LEF1: variants seen among roughly 807,000 people sequenced by gnomAD.
LEF1 encodes lymphoid enhancer-binding factor 1.
Under a neutral mutation model 51.2 loss-of-function variants are expected in LEF1, and 14 were observed. That is an observed-to-expected ratio of 0.27 (90% CI 0.18 to 0.43). The LOEUF is 0.43. LEF1 is among the 20% of genes least tolerant of loss of function. LEF1 has a pLI of 1.00. For synonymous variants in LEF1, 185 were observed against 183.2 expected (o/e 1.01, Z -0.08); for missense variants, 386 against 512.0 (o/e 0.75, Z 2.37).
intron 9 of LEF1, among the ~76,000 whole-genome samples, chr4:108,069,229 T>A (rs544825320): frequency 6.6e-6 from 1 of 152,340 alleles, no homozygotes; most frequent in Non-Finnish European, 1.5e-5. Flanking sequence ...GCTCCAGAAG[T>A]GTGAGAAATA....
At chr4:108,140,138 G>A (rs758936487) in intron 3 of LEF1, among the ~76,000 whole-genome samples, 7 of 151,976 alleles carry the variant, frequency 4.6e-5, no homozygotes, top group African/African-American at 7.3e-5. Context: ...ATTTGCCGTC[G>A]AAGTCTGTGG....
chr4:108,166,887 C>T (rs1242441878), intron 1 of LEF1: 2 of 880,052 alleles, frequency 2.3e-6, no homozygotes, highest in Non-Finnish European at 2.7e-6. Context: ...TGGGTCGGCT[C>T]GGCGCACCCA....
At chr4:108,098,574 T>G (rs1740541605) in intron 3 of LEF1, among the ~76,000 whole-genome samples, 1 of 152,184 alleles carries the variant, frequency 6.6e-6, no homozygotes, top group African/African-American at 2.4e-5. Flanking sequence ...AACTGATTCT[T>G]TAAGATCAGG....
Position 108,064,337 on chromosome 4 carries a change from T to C in LEF1, c.1164A>G (p.Ser388=), listed in dbSNP as rs769623359. Residue 388 remains serine (S), a splice_region_variant and synonymous_variant, in exon 10 of 12, where the codon TCA becomes TCG. Transcript: ENST00000265165. The part of the protein sequence containing the change: ...RKREKLQESA[S]GTGPRMTAAY... Reference sequence around the variant, plus strand: ...ACTGGAAAGTCTCATGGTGCCTACCTGATGCAGATTCCTGTAGTTTCTCTC... The same window carrying C: ...ACTGGAAAGTCTCATGGTGCCTACCCGATGCAGATTCCTGTAGTTTCTCTC... 1.2e-6 allele frequency: 2 copies of C among 1,610,744 alleles called. No homozygotes were observed. The highest frequency in any genetic ancestry group is 2.7e-5 in the African/African-American group (2 of 74,986).
intron 3 of LEF1, among the ~76,000 whole-genome samples, chr4:108,125,895 C>T (rs960674266): frequency 6.6e-6 from 1 of 151,952 alleles, no homozygotes; most frequent in Non-Finnish European, 1.5e-5. Context: ...ACTCTAAGTT[C>T]GAAAAGTTAC....
intron 11 of LEF1, among the ~76,000 whole-genome samples, chr4:108,051,554 C>T (rs970566026): frequency 2.6e-5 from 4 of 152,320 alleles, no homozygotes; most frequent in Admixed American, 2.6e-4. Flanking sequence ...GCCCAACCCA[C>T]CAGTGAAGTC....
intron 8 of LEF1, among the ~76,000 whole-genome samples, chr4:108,077,179 A>T (rs6533347): frequency 0.83 from 124,833 of 149,842 alleles, 52,813 homozygotes; most frequent in East Asian, 0.94. Context: ...TCTCTACAAA[A>T]TTTTTTTTTT....
intron 4 of LEF1, among the ~76,000 whole-genome samples, chr4:108,086,858 T>G (rs930121128): frequency 4.3e-5 from 2 of 45,982 alleles, no homozygotes; most frequent in Non-Finnish European, 1.2e-4. Context: ...ACGTGAAAAC[T>G]AATGTGCTCC....
intron 3 of LEF1, among the ~76,000 whole-genome samples, chr4:108,098,461 A>G (rs1183933585): frequency 6.6e-6 from 1 of 151,516 alleles, no homozygotes; most frequent in Non-Finnish European, 1.5e-5. Flanking sequence ...AAAATTCCAT[A>G]AGCGAAGCCA....
chr4:108,130,936 G>T (rs1742840954), intron 3 of LEF1, among the ~76,000 whole-genome samples: 1 of 152,000 alleles, frequency 6.6e-6, no homozygotes, highest in African/African-American at 2.4e-5. Context: ...GTGCTAAAGA[G>T]AAATATTTTC....
intron 3 of LEF1, among the ~76,000 whole-genome samples, chr4:108,162,353 T>C (rs1745115792): frequency 6.6e-6 from 1 of 152,220 alleles, no homozygotes; most frequent in Middle Eastern, 3.2e-3. Context: ...TAAATTGCAG[T>C]GCTCAAAGTG....
At chr4:108,145,318 A>G (rs1383428288) in intron 3 of LEF1, among the ~76,000 whole-genome samples, 1 of 152,238 alleles carries the variant, frequency 6.6e-6, no homozygotes. Context: ...ACCCTTTAAG[A>G]GCTTGCATTA....
At chr4:108,055,356 A>C (rs1284298360) in intron 11 of LEF1, among the ~76,000 whole-genome samples, 1 of 152,232 alleles carries the variant, frequency 6.6e-6, no homozygotes, top group Non-Finnish European at 1.5e-5. Flanking sequence ...CTTGTGGCAT[A>C]TATAATATTC....
intron 3 of LEF1, among the ~76,000 whole-genome samples, chr4:108,127,941 G>A (rs1742648041): frequency 6.6e-6 from 1 of 152,078 alleles, no homozygotes; most frequent in Admixed American, 6.6e-5. Flanking sequence ...GGTCTGTCCT[G>A]ACCATTTCAG....
At chr4:108,105,181 C>CTTTTTTT (rs5860896) in intron 3 of LEF1, among the ~76,000 whole-genome samples, 1 of 131,390 alleles carries the variant, frequency 7.6e-6, no homozygotes. Context: ...GAAGAATCCA[C>CTTTTTTT]TTTTTTTTTT....
chr4:108,086,098 CA>C (rs1335839177), intron 4 of LEF1, among the ~76,000 whole-genome samples: 1 of 152,208 alleles, frequency 6.6e-6, no homozygotes, highest in African/African-American at 2.4e-5. Context: ...TGGCTTAGGT[CA>C]TTATGTGAGC....
intron 11 of LEF1, among the ~76,000 whole-genome samples, chr4:108,060,893 A>T (rs1737643251): frequency 6.6e-6 from 1 of 152,162 alleles, no homozygotes; most frequent in Admixed American, 6.5e-5. Flanking sequence ...CTGAATCATG[A>T]CTATAACAAG....
intron 3 of LEF1, among the ~76,000 whole-genome samples, chr4:108,149,230 C>T (rs1340448438): frequency 3.3e-5 from 5 of 151,560 alleles, no homozygotes; most frequent in African/African-American, 1.2e-4. Flanking sequence ...GAGGCAGAGG[C>T]GGGCGGATCA....
intron 3 of LEF1, among the ~76,000 whole-genome samples, chr4:108,125,734 C>T (rs1401877242): frequency 2.7e-5 from 4 of 148,972 alleles, no homozygotes; most frequent in African/African-American, 5.0e-5. Context: ...TTTTTTAGCA[C>T]GCATATTGGG....
Sources: allele counts gnomAD v4.1 joint callset (sites outside exome capture counted in the v4.1 genomes callset), GRCh38; gene constraint gnomAD v4.1.1; transcripts MANE v1.5; gene names NCBI Gene and HGNC (gene_info 2026-07-23, HGNC 2026-07-21).